Variants in GRIA4 observed in about 807,000 individuals in gnomAD.
GRIA4 encodes the protein glutamate receptor 4.
A neutral mutation model predicts 104.0 loss-of-function variants in GRIA4; 34 were observed. The observed-to-expected ratio is 0.33, with a 90% CI of 0.25 to 0.44. The LOEUF (loss-of-function observed/expected upper bound fraction) is 0.44. GRIA4 is among the 20% of genes least tolerant of loss of function. The probability of loss-of-function intolerance (pLI) is 1.00; values close to 1 mark genes in which losing one functional copy is unlikely to be tolerated. For missense variants in GRIA4, 750 were observed against 1,096.5 expected (o/e 0.68, Z 4.46); for synonymous variants, 386 against 381.9 (o/e 1.01, Z -0.13).
chr11:105,745,606 A>G (rs916793023), intron 3 of GRIA4, among the ~76,000 whole-genome samples: 1 of 152,176 alleles, frequency 6.6e-6, no homozygotes, highest in African/African-American at 2.4e-5. Context: ...GTTTACCTCT[A>G]TCTGTTGTAC....
chr11:105,866,535 A>ATGTGTGTG (rs71041632), intron 5 of GRIA4, among the ~76,000 whole-genome samples: 6 of 105,330 alleles, frequency 5.7e-5, no homozygotes, highest in African/African-American at 2.2e-4. Flanking sequence ...ATATACGCAT[A>ATGTGTGTG]TGTGTGTGTG....
intron 5 of GRIA4, among the ~76,000 whole-genome samples, chr11:105,886,163 A>C (rs929540985): frequency 6.6e-5 from 10 of 152,134 alleles, no homozygotes; most frequent in Non-Finnish European, 1.2e-4. Flanking sequence ...TTTCCAGCAC[A>C]ATTCATATGT....
intron 14 of GRIA4, chr11:105,966,079 C>T (rs1555059889): frequency 6.6e-7 from 1 of 1,525,332 alleles, no homozygotes; most frequent in Admixed American, 1.7e-5. Flanking sequence ...TCAATGTCAC[C>T]AAAAGCGGGT....
intron 4 of GRIA4, among the ~76,000 whole-genome samples, chr11:105,774,284 A>T (rs187295609): frequency 6.6e-6 from 1 of 151,844 alleles, no homozygotes; most frequent in African/African-American, 2.4e-5. Context: ...AGAAACCAAA[A>T]TAGCACTTTA....
intron 11 of GRIA4, among the ~76,000 whole-genome samples, chr11:105,919,470 C>A (rs1351142094): frequency 6.6e-6 from 1 of 152,096 alleles, no homozygotes; most frequent in Non-Finnish European, 1.5e-5. Flanking sequence ...AAACTTTATG[C>A]AGTGCCATCA....
At chr11:105,727,863 G>A (rs1015083013) in intron 3 of GRIA4, among the ~76,000 whole-genome samples, 33 of 152,060 alleles carry the variant, frequency 2.2e-4, no homozygotes, top group Admixed American at 5.2e-4. Context: ...CCTTACAAGA[G>A]CTCCTGAAGG....
intron 3 of GRIA4, among the ~76,000 whole-genome samples, chr11:105,649,150 G>A (rs1197628279): frequency 6.6e-6 from 1 of 151,910 alleles, no homozygotes; most frequent in African/African-American, 2.4e-5. Flanking sequence ...ATCAAACTTT[G>A]TTATTGACAT....
At chr11:105,758,753 T>A (rs1940454267) in intron 4 of GRIA4, among the ~76,000 whole-genome samples, 1 of 152,206 alleles carries the variant, frequency 6.6e-6, no homozygotes, top group Non-Finnish European at 1.5e-5. Flanking sequence ...TAACAGGTAT[T>A]GTATCAGAAC....
chr11:105,699,290 A>T (rs1953398933), intron 3 of GRIA4, among the ~76,000 whole-genome samples: 1 of 152,146 alleles, frequency 6.6e-6, no homozygotes, highest in Non-Finnish European at 1.5e-5. Context: ...GGATGTCCCC[A>T]ACTTGTTATT....
chr11:105,730,982 G>T (rs1938550508), intron 3 of GRIA4, among the ~76,000 whole-genome samples: 1 of 152,000 alleles, frequency 6.6e-6, no homozygotes, highest in Non-Finnish European at 1.5e-5. Context: ...GACTTCATGA[G>T]TAAAACACCA....
At chr11:105,738,138 T>A (rs139476734) in intron 3 of GRIA4, among the ~76,000 whole-genome samples, 1 of 151,924 alleles carries the variant, frequency 6.6e-6, no homozygotes, top group South Asian at 2.1e-4. Flanking sequence ...GGCAGTCTCA[T>A]TGAATGAGTG....
intron 4 of GRIA4, among the ~76,000 whole-genome samples, chr11:105,771,450 C>A (rs1396274835): frequency 6.6e-6 from 1 of 152,002 alleles, no homozygotes; most frequent in Non-Finnish European, 1.5e-5. Context: ...TGCCCTTGCC[C>A]TAACTAAGAT....
intron 14 of GRIA4, among the ~76,000 whole-genome samples, chr11:105,953,396 A>T (rs1331713970): frequency 6.6e-6 from 1 of 152,138 alleles, no homozygotes; most frequent in Non-Finnish European, 1.5e-5. Context: ...TATCTGGAAG[A>T]TGTCATTAAT....
In GRIA4 at chr11:105,932,299, C is replaced by T. The variant is rs527958657; in HGVS notation, c.2047-1423C>T. Among the ~76,000 whole-genome samples, 10 of 152,030 alleles carry T rather than the reference C, an allele frequency of 6.6e-5. 1 individual carries two copies. Among genetic ancestry groups the T allele is most frequent in the South Asian group, 2.1e-4 (1 of 4,802 alleles). Reference sequence around the variant, plus strand: ...GACTACAGGCATGCGCTGCTATGCCCAGCTAATTTTTGTACTTTTAGTAGA... The same window carrying T: ...GACTACAGGCATGCGCTGCTATGCCTAGCTAATTTTTGTACTTTTAGTAGA... On this transcript the variant is annotated intron_variant, in intron 13 of 16. Transcript: ENST00000282499.
chr11:105,746,806 A>G (rs749161899), intron 3 of GRIA4, among the ~76,000 whole-genome samples: 11 of 152,156 alleles, frequency 7.2e-5, no homozygotes, highest in Non-Finnish European at 1.3e-4. Context: ...AATTTAGACA[A>G]CAGGAGCAGG....
intron 3 of GRIA4, among the ~76,000 whole-genome samples, chr11:105,694,968 A>G (rs1406954365): frequency 6.6e-6 from 1 of 152,158 alleles, no homozygotes; most frequent in African/African-American, 2.4e-5. Flanking sequence ...AAAAATCTAA[A>G]CAGATATGGA....
intron 7 of GRIA4, among the ~76,000 whole-genome samples, chr11:105,899,890 A>C (rs901193338): frequency 6.6e-6 from 1 of 152,182 alleles, no homozygotes; most frequent in African/African-American, 2.4e-5. Context: ...AAGGCACATC[A>C]CAGCCTTCTT....
intron 5 of GRIA4, among the ~76,000 whole-genome samples, chr11:105,880,498 T>G (rs1946011766): frequency 6.6e-6 from 1 of 152,132 alleles, no homozygotes; most frequent in African/African-American, 2.4e-5. Flanking sequence ...ACCATATCTC[T>G]TGTAGGGCAC....
chr11:105,726,859 A>G (rs892883939), intron 3 of GRIA4, among the ~76,000 whole-genome samples: 1 of 152,114 alleles, frequency 6.6e-6, no homozygotes, highest in Non-Finnish European at 1.5e-5. Context: ...AAGGACAACC[A>G]AGCAAAAACT....
Sources: allele counts gnomAD v4.1 joint callset (sites outside exome capture counted in the v4.1 genomes callset), GRCh38; gene constraint gnomAD v4.1.1; transcripts MANE v1.5; gene names NCBI Gene and HGNC (gene_info 2026-07-23, HGNC 2026-07-21).